The following PTPRO variants were observed in gnomAD, a reference collection of about 807,000 sequenced individuals.
The protein encoded by PTPRO is receptor-type tyrosine-protein phosphatase O.
Under a neutral mutation model 145.2 loss-of-function variants are expected in PTPRO, and 62 were observed. That is an observed-to-expected ratio of 0.43 (90% CI 0.35 to 0.53). PTPRO has a LOEUF of 0.53. PTPRO is among the 20% of genes least tolerant of loss of function. The probability of loss-of-function intolerance (pLI) is 0.01; values close to 1 mark genes in which losing one functional copy is unlikely to be tolerated. For missense variants in PTPRO, 1,345 were observed against 1,482.7 expected (o/e 0.91, Z 1.53); for synonymous variants, 565 against 514.7 (o/e 1.10, Z -1.32).
At position 15,483,975 on chromosome 12, in the gene PTPRO, A is replaced by T; in HGVS notation, c.77A>T (p.Asn26Ile). Residue 26 changes from asparagine (N) to isoleucine (I), a missense_variant and splice_region_variant, in exon 2 of 27, where the codon AAT becomes ATT. Coordinates refer to ENST00000281171, the MANE Select transcript of PTPRO (RefSeq NM_030667.3). Reference protein sequence around the residue: ...PLLWLFVLFKNATAFHVTVQD... With the variant: ...PLLWLFVLFKIATAFHVTVQD... ...TTTTTATTCTGTTTCATTCAACAGAATGCTACAGCTTTCCATGTAACTGTC... is the reference window on the plus strand; with the variant it reads ...TTTTTATTCTGTTTCATTCAACAGATTGCTACAGCTTTCCATGTAACTGTC... 1 of 1,613,302 alleles carries T rather than the reference A, an allele frequency of 6.2e-7. No individual in the cohort carries two copies.
At chr12:15,535,897 G>GA (rs1441244954) in intron 12 of PTPRO, among the ~76,000 whole-genome samples, 1 of 152,070 alleles carries the variant, frequency 6.6e-6, no homozygotes, top group Non-Finnish European at 1.5e-5. Context: ...CTATGGACAA[G>GA]AAAAAAATCA....
At chr12:15,393,215 GA>G (rs911612930) in intron 1 of PTPRO, among the ~76,000 whole-genome samples, 65 of 149,864 alleles carry the variant, frequency 4.3e-4, no homozygotes, top group African/African-American at 1.3e-3. Flanking sequence ...AAACTAACAT[GA>G]AAAAAAAAAT....
At chr12:15,369,709 A>G (rs1195107962) in intron 1 of PTPRO, among the ~76,000 whole-genome samples, 1 of 152,164 alleles carries the variant, frequency 6.6e-6, no homozygotes, top group Non-Finnish European at 1.5e-5. Context: ...ATCCTAGAAT[A>G]CGGAAAATTC....
chr12:15,594,651 C>T (rs934908933), intron 25 of PTPRO, among the ~76,000 whole-genome samples: 1 of 151,888 alleles, frequency 6.6e-6, no homozygotes, highest in African/African-American at 2.4e-5. Context: ...CAAGTCATCA[C>T]ATTGTACACC....
chr12:15,460,382 A>G (rs778504848), intron 1 of PTPRO, among the ~76,000 whole-genome samples: 2 of 152,118 alleles, frequency 1.3e-5, no homozygotes, highest in African/African-American at 2.4e-5. Context: ...CACAATATAC[A>G]TTTTGATGCT....
At chr12:15,420,099 A>T (rs1940097640) in intron 1 of PTPRO, among the ~76,000 whole-genome samples, 1 of 143,434 alleles carries the variant, frequency 7.0e-6, no homozygotes, top group African/African-American at 2.7e-5. Flanking sequence ...GTGAGCGGAG[A>T]TCGCACCACT....
intron 1 of PTPRO, among the ~76,000 whole-genome samples, chr12:15,451,209 T>C (rs2136378728): frequency 6.6e-6 from 1 of 151,878 alleles, no homozygotes; most frequent in Non-Finnish European, 1.5e-5. Context: ...AAAGCAAACT[T>C]TAAAGCAACA....
intron 1 of PTPRO, among the ~76,000 whole-genome samples, chr12:15,463,051 A>G (rs1395723385): frequency 6.6e-6 from 1 of 152,200 alleles, no homozygotes; most frequent in East Asian, 1.9e-4. Context: ...AATGCATTGA[A>G]TTATTATTAA....
At chr12:15,509,558 G>A (rs371261672) in intron 7 of PTPRO, among the ~76,000 whole-genome samples, 35 of 151,744 alleles carry the variant, frequency 2.3e-4, no homozygotes, top group East Asian at 1.7e-3. Context: ...TTAGCCAGGC[G>A]TGGTGGCACG....
At chr12:15,589,167 G>C (rs143761091) in intron 24 of PTPRO, among the ~76,000 whole-genome samples, 6 of 152,164 alleles carry the variant, frequency 3.9e-5, no homozygotes, top group Non-Finnish European at 8.8e-5. Context: ...CCTGAGGTCA[G>C]AAGTTCAAGA....
chr12:15,337,458 T>C (rs1311526845), intron 1 of PTPRO: 2 of 152,154 alleles, frequency 1.3e-5, no homozygotes, highest in East Asian at 1.9e-4. Context: ...CCGTGATGGA[T>C]GGTTACCTCT....
chr12:15,327,273 T>C (rs565635773), intron 1 of PTPRO, among the ~76,000 whole-genome samples: 10 of 152,232 alleles, frequency 6.6e-5, no homozygotes, highest in Non-Finnish European at 1.2e-4. Flanking sequence ...TGCTCATTTA[T>C]TCATTAATGT....
chr12:15,593,206 G>A lies in PTPRO; in HGVS notation c.3547-1731G>A, dbSNP rs554536674. Among the ~76,000 whole-genome samples, 6 of 152,294 alleles carry A rather than the reference G, an allele frequency of 3.9e-5. No homozygotes were observed. The South Asian group carries it at 6.2e-4, about 16-fold the overall frequency. ...AAAGGGAATATATTTTCTCCAAACC[G>A]TGTTGAAAAATACAGGTTAGGCTGA... On this transcript the variant is annotated intron_variant, in intron 25 of 26. Coordinates refer to ENST00000281171, the MANE Select transcript of PTPRO (RefSeq NM_030667.3).
In PTPRO at chr12:15,598,163, A is replaced by T. The variant is rs1944695055; in HGVS notation, c.*2090A>T. ...TCCAGAGTTTAGACTGAAGGCTTAG[A>T]GTCAAAACTACAGGAAGGTCACACT... On this transcript the variant is annotated 3_prime_UTR_variant, in exon 27 of 27. Transcript: ENST00000281171. Among the ~76,000 whole-genome samples, 1 of 152,206 alleles carries T rather than the reference A, an allele frequency of 6.6e-6. No homozygotes were observed. Among genetic ancestry groups the T allele is most frequent in the Non-Finnish European group, 1.5e-5 (1 of 68,032 alleles).
At chr12:15,429,629 G>C (rs1248746508) in intron 1 of PTPRO, among the ~76,000 whole-genome samples, 1 of 152,084 alleles carries the variant, frequency 6.6e-6, no homozygotes, top group Non-Finnish European at 1.5e-5. Context: ...GACTAGAAAG[G>C]TTCTCAAGGT....
intron 1 of PTPRO, among the ~76,000 whole-genome samples, chr12:15,420,709 C>A (rs11056470): frequency 1.5e-4 from 23 of 152,098 alleles, no homozygotes; most frequent in African/African-American, 5.3e-4. Context: ...AACATGGTGG[C>A]TAAATGAGTA....
In PTPRO at chr12:15,322,598, C is replaced by T. The variant is rs999810961; in HGVS notation, c.-129C>T. On this transcript the variant is annotated 5_prime_UTR_variant, in exon 1 of 27. Coordinates refer to ENST00000281171, the MANE Select transcript of PTPRO (RefSeq NM_030667.3). This position sits in a 1 kb window ranked among gnomAD's most constrained non-coding sequence, Gnocchi z 6.3. Reference sequence around the variant, plus strand: ...AGCAGGCGCAGGGGGACTGGAAAGGCAGCATGCGCTCGCCAGGAGCAACCT... The same window carrying T: ...AGCAGGCGCAGGGGGACTGGAAAGGTAGCATGCGCTCGCCAGGAGCAACCT... 2 of 767,886 alleles carry T rather than the reference C, an allele frequency of 2.6e-6. No individual in the cohort carries two copies. Among genetic ancestry groups the T allele is most frequent in the Non-Finnish European group, 4.6e-6 (2 of 438,062 alleles). 47.6% of individuals were successfully genotyped at this position (767,886 alleles called of 1,614,324 possible). A position where few individuals can be genotyped will look rare whatever the true frequency, so the allele number is the denominator to read the frequency against.
At chr12:15,363,939 T>G (rs1365207246) in intron 1 of PTPRO, among the ~76,000 whole-genome samples, 1 of 152,190 alleles carries the variant, frequency 6.6e-6, no homozygotes. Flanking sequence ...ATTATGTATA[T>G]TAAAAATTAG....
intron 1 of PTPRO, among the ~76,000 whole-genome samples, chr12:15,329,644 A>C (rs1390761721): frequency 6.6e-5 from 10 of 152,146 alleles, no homozygotes; most frequent in Admixed American, 6.5e-4. Flanking sequence ...AGTTAATCAA[A>C]CATCCATTAA....
Sources: gnomAD v4.1 joint callset for allele counts (sites outside exome capture counted in the v4.1 genomes callset) on GRCh38, gnomAD v4.1.1 for gene constraint, Gnocchi (gnomAD v3.1) non-coding constraint, MANE v1.5 for transcripts, NCBI Gene and HGNC (gene_info 2026-07-23, HGNC 2026-07-21) for gene names.